Variants in AGBL3 observed in about 807,000 individuals in gnomAD.
AGBL3 encodes the protein cytosolic carboxypeptidase 3.
A neutral mutation model predicts 94.5 loss-of-function variants in AGBL3; 68 were observed. That is an observed-to-expected ratio of 0.72 (90% confidence interval 0.59 to 0.88). The LOEUF (loss-of-function observed/expected upper bound fraction) is 0.88. AGBL3 is among the 40% of genes least tolerant of loss of function. AGBL3 has a pLI of 0.00. For missense variants in AGBL3, 934 were observed against 1,103.8 expected (o/e 0.85, Z 2.18); for synonymous variants, 354 against 370.7 (o/e 0.95, Z 0.52).
chr7:134,997,151 C>T (rs920666660), intron 4 of AGBL3, among the ~76,000 whole-genome samples: 1 of 152,148 alleles, frequency 6.6e-6, no homozygotes, highest in Non-Finnish European at 1.5e-5. Context: ...TCATGAGGAG[C>T]ACACACAACC....
intron 16 of AGBL3, chr7:135,128,692 CT>C: frequency 7.5e-7 from 1 of 1,325,142 alleles, no homozygotes; most frequent in Non-Finnish European, 1.1e-6. Context: ...ATTGTCTCTC[CT>C]TTTGAGCTCA....
At chr7:134,997,809 A>G (rs1811198540) in intron 4 of AGBL3, among the ~76,000 whole-genome samples, 1 of 152,204 alleles carries the variant, frequency 6.6e-6, no homozygotes, top group South Asian at 2.1e-4. Context: ...AGGCCTGCTG[A>G]GTTAATCATT....
At chr7:135,079,422 C>A (rs1011678131) in intron 13 of AGBL3, among the ~76,000 whole-genome samples, 1 of 151,966 alleles carries the variant, frequency 6.6e-6, no homozygotes, top group Non-Finnish European at 1.5e-5. Context: ...TGGGTTTGAG[C>A]TTTTAACTCC....
intron 15 of AGBL3, among the ~76,000 whole-genome samples, chr7:135,095,781 C>T (rs1822573785): frequency 6.6e-6 from 1 of 152,152 alleles, no homozygotes; most frequent in African/African-American, 2.4e-5. Flanking sequence ...AATAATGGAT[C>T]ATCCAGGGGA....
intron 8 of AGBL3, among the ~76,000 whole-genome samples, chr7:135,040,904 C>CACAA (rs1343054996): frequency 1.3e-5 from 2 of 151,352 alleles, no homozygotes; most frequent in South Asian, 4.2e-4. Flanking sequence ...CACACACACA[C>CACAA]AAAACTAGAA....
At chr7:135,017,352 T>C in intron 5 of AGBL3, 193 bp downstream of exon 5, 2 of 555,766 alleles carry the variant, frequency 3.6e-6, no homozygotes, top group Non-Finnish European at 6.4e-6. Flanking sequence ...TTGCAGTTTA[T>C]GCAAAGTTAC....
At chr7:135,034,117 G>A (rs1004370041) in intron 6 of AGBL3, 32 bp from the exon 7 acceptor site, 6 of 1,347,394 alleles carry the variant, frequency 4.5e-6, no homozygotes, top group Admixed American at 3.4e-5. Context: ...ACATTCTTAC[G>A]TGCTTTTTTC....
At chr7:135,095,522 AG>A (rs1822534609) in intron 15 of AGBL3, among the ~76,000 whole-genome samples, 1 of 152,214 alleles carries the variant, frequency 6.6e-6, no homozygotes, top group African/African-American at 2.4e-5. Flanking sequence ...CCCATAGTAA[AG>A]GCCTATTAAC....
intron 13 of AGBL3, among the ~76,000 whole-genome samples, chr7:135,079,045 A>G (rs748669818): frequency 1.2e-4 from 19 of 152,224 alleles, no homozygotes; most frequent in Non-Finnish European, 2.4e-4. Context: ...ATTTCAGCAC[A>G]AACAATTATA....
chr7:134,993,738 T>G, intron 4 of AGBL3, 60 bp downstream of exon 4: 3 of 1,318,496 alleles, frequency 2.3e-6, no homozygotes, highest in Non-Finnish European at 3.0e-6. Context: ...CCAACCTTAA[T>G]TTTAATGAGG....
Position 135,115,534 on chromosome 7 carries a change from G to C in AGBL3, c.2265G>C (p.Val755=). Residue 755 remains valine (V), a synonymous_variant, in exon 16 of 17, where the codon GTG becomes GTC. Coordinates refer to ENST00000436302, the MANE Select transcript of AGBL3 (RefSeq NM_178563.4). ...QEILQYLLPI[V]HSTKNMQTTQ... Reference sequence around the variant, plus strand: ...TATTGCAGTATTTGCTCCCCATCGTGCATAGCACTAAAAACATGCAAACCA... The same window carrying C: ...TATTGCAGTATTTGCTCCCCATCGTCCATAGCACTAAAAACATGCAAACCA... The C allele has an allele frequency of 6.4e-7, 1 of 1,551,462 alleles. No individual in the cohort carries two copies. Among genetic ancestry groups the C allele is most frequent in the Non-Finnish European group, 8.7e-7 (1 of 1,146,840 alleles).
intron 16 of AGBL3, among the ~76,000 whole-genome samples, chr7:135,128,187 G>C (rs1439543362): frequency 6.6e-6 from 1 of 150,696 alleles, no homozygotes; most frequent in African/African-American, 2.4e-5. Flanking sequence ...AGCTACTCGG[G>C]AGGCTGCGAC....
chr7:134,998,334 C>T (rs1368722336), intron 4 of AGBL3, among the ~76,000 whole-genome samples: 1 of 152,162 alleles, frequency 6.6e-6, no homozygotes, highest in African/African-American at 2.4e-5. Context: ...ACTGACTTTA[C>T]CTTTTTGGGC....
At chr7:134,995,234 C>T (rs1003270598) in intron 4 of AGBL3, 3 of 152,190 alleles carry the variant, frequency 2.0e-5, no homozygotes, top group Admixed American at 6.5e-5. Flanking sequence ...AGAATGAGAG[C>T]AGAAGAGACC....
chr7:135,049,791 T>A (rs1248296037), intron 11 of AGBL3, among the ~76,000 whole-genome samples: 3 of 151,750 alleles, frequency 2.0e-5, no homozygotes, highest in Non-Finnish European at 4.4e-5. Flanking sequence ...TTTATTTGAG[T>A]CTTCTCCATT....
intron 12 of AGBL3, among the ~76,000 whole-genome samples, chr7:135,069,203 A>G (rs1172476905): frequency 6.6e-6 from 1 of 152,216 alleles, no homozygotes; most frequent in Non-Finnish European, 1.5e-5. Context: ...TGCACCCAAT[A>G]CAGGAGCACC....
At chr7:135,022,804 T>C (rs1814653849) in intron 5 of AGBL3, among the ~76,000 whole-genome samples, 1 of 152,160 alleles carries the variant, frequency 6.6e-6, no homozygotes, top group South Asian at 2.1e-4. Flanking sequence ...TTGCTTTTTA[T>C]ATAAACTGAA....
chr7:135,059,631 T>C (rs1818651383), intron 12 of AGBL3, among the ~76,000 whole-genome samples: 1 of 152,302 alleles, frequency 6.6e-6, no homozygotes, highest in Middle Eastern at 3.4e-3. Flanking sequence ...AGACAACAGC[T>C]TTCCCTTTGT....
chr7:135,003,931 CCTTAT>C (rs1464059484), intron 4 of AGBL3, among the ~76,000 whole-genome samples: 1 of 151,146 alleles, frequency 6.6e-6, no homozygotes, highest in Non-Finnish European at 1.5e-5. Context: ...AGTTTTTATA[CCTTAT>C]ATTTCTTTTT....
Sources: gnomAD v4.1 joint callset for allele counts (sites outside exome capture counted in the v4.1 genomes callset) on GRCh38, gnomAD v4.1.1 for gene constraint, MANE v1.5 for transcripts, NCBI Gene and HGNC (gene_info 2026-07-23, HGNC 2026-07-21) for gene names.